FANCC: variants seen among roughly 807,000 people sequenced by gnomAD.
FANCC encodes the protein Fanconi anemia group C protein.
In FANCC, 55 loss-of-function variants were observed where a neutral mutation model predicts 71.3. The ratio of observed to expected loss-of-function variants is 0.77; its 90% confidence interval spans 0.62 to 0.97. The LOEUF (loss-of-function observed/expected upper bound fraction) is 0.97. Among genes scored for constraint, FANCC ranks in the 50% least tolerant of loss-of-function variants. The pLI is 0.00. For missense variants in FANCC, 678 were observed against 670.9 expected, an observed-to-expected ratio of 1.01 and a Z score of -0.12; for synonymous variants, 275 against 244.9, an observed-to-expected ratio of 1.12 and a Z score of -1.15.
At chr9:95,126,980 G>C (rs1588108401) in intron 8 of FANCC, 1 of 249,204 alleles carries the variant, frequency 4.0e-6, no homozygotes, top group East Asian at 9.1e-5. Flanking sequence ...TGTGCCTCGA[G>C]GTCAGGCCCG....
rs529244704 is a variant in FANCC, at chr9:95,171,725, A to G, written c.456+312T>C. 2.0e-5 allele frequency among the ~76,000 whole-genome samples: 3 copies of G among 152,352 alleles called. No homozygotes were observed. In the East Asian group the frequency reaches 5.8e-4, roughly 29 times the overall value. On this transcript the variant is annotated intron_variant, in intron 5 of 14. Coordinates refer to ENST00000289081, the MANE Select transcript of FANCC (RefSeq NM_000136.3). ...TGAAATACAAGATTCTTTCAACAGT[A>G]CAAGACTGTGTTTATAATAGCTAAG... is the stretch of plus-strand genomic sequence containing the variant.
At chr9:95,310,027 A>G (rs901108330) in intron 1 of FANCC, among the ~76,000 whole-genome samples, 2 of 152,024 alleles carry the variant, frequency 1.3e-5, no homozygotes, top group East Asian at 1.9e-4. Flanking sequence ...AATATTTAGT[A>G]AGCATTAAAT....
chr9:95,256,856 G>C (rs1172920097), intron 1 of FANCC, among the ~76,000 whole-genome samples: 1 of 150,236 alleles, frequency 6.7e-6, no homozygotes, highest in African/African-American at 2.4e-5. Context: ...CAAGCAAATG[G>C]AAAGAAAAAA....
chr9:95,218,401 G>C (rs1310270832), intron 4 of FANCC, among the ~76,000 whole-genome samples: 1 of 152,122 alleles, frequency 6.6e-6, no homozygotes, highest in Non-Finnish European at 1.5e-5. Flanking sequence ...GGAGGTCAAG[G>C]CTGCAGTGAG....
At chr9:95,285,094 G>A (rs187170273) in intron 1 of FANCC, among the ~76,000 whole-genome samples, 193 of 152,024 alleles carry the variant, frequency 1.3e-3, no homozygotes, top group African/African-American at 4.5e-3. Flanking sequence ...CAAAGAGAAG[G>A]ATTGTGCAAA....
Position 95,100,552 on chromosome 9 carries a change from C to G in FANCC, c.*1155G>C, listed in dbSNP as rs1260871946. On this transcript the variant is annotated 3_prime_UTR_variant, in exon 15 of 15. Coordinates refer to ENST00000289081, the MANE Select transcript of FANCC (RefSeq NM_000136.3). ...AGAATAGACACAAAAGAATGTACAA[C>G]CAATACAATTCCAGAATGTCCCTGA... 1 of 231,526 alleles carries G rather than the reference C, an allele frequency of 4.3e-6. No homozygotes were observed. The highest frequency in any genetic ancestry group is 8.5e-6 in the Non-Finnish European group (1 of 117,002). 14.3% of individuals were successfully genotyped at this position (231,526 alleles called of 1,614,324 possible). A position where few individuals can be genotyped will look rare whatever the true frequency, so the allele number is the denominator to read the frequency against.
intron 6 of FANCC, among the ~76,000 whole-genome samples, chr9:95,156,316 C>T (rs1427625619): frequency 6.6e-6 from 1 of 152,138 alleles, no homozygotes; most frequent in Non-Finnish European, 1.5e-5. Context: ...CAGTAAAATT[C>T]TTAACTGAAT....
chr9:95,105,302 C>T (rs956430589), intron 14 of FANCC, among the ~76,000 whole-genome samples: 4 of 152,174 alleles, frequency 2.6e-5, no homozygotes, highest in African/African-American at 9.7e-5. Flanking sequence ...CAGTCAGGCC[C>T]GGCCTGGACG....
chr9:95,265,121 G>T (rs1832308024), intron 1 of FANCC, among the ~76,000 whole-genome samples: 1 of 151,988 alleles, frequency 6.6e-6, no homozygotes, highest in East Asian at 1.9e-4. Context: ...CTATTTCTCT[G>T]TTGAGTCAGT....
intron 1 of FANCC, among the ~76,000 whole-genome samples, chr9:95,259,259 G>C (rs548606098): frequency 2.0e-5 from 3 of 152,134 alleles, no homozygotes; most frequent in Non-Finnish European, 1.5e-5. Flanking sequence ...AAGAACAAAG[G>C]TGGAGACATC....
intron 4 of FANCC, among the ~76,000 whole-genome samples, chr9:95,194,965 T>C (rs1261532007): frequency 1.3e-5 from 2 of 152,090 alleles, no homozygotes; most frequent in Non-Finnish European, 2.9e-5. Flanking sequence ...TTTGGGAGGC[T>C]GAGGCAGACA....
intron 14 of FANCC, among the ~76,000 whole-genome samples, chr9:95,102,894 C>A (rs1422238738): frequency 6.6e-6 from 1 of 152,216 alleles, no homozygotes; most frequent in Non-Finnish European, 1.5e-5. Context: ...GCACACAGGG[C>A]CTGCAGCCGG....
rs568239745 is a variant in FANCC, at chr9:95,123,448, C to G, written c.996+1638G>C. ...TGAGCCTCAGAGGTTGAGACCAGCC[C>G]GGGCAACATGGTGAAACCCCATCTC... On this transcript the variant is annotated intron_variant, in intron 10 of 14. Coordinates refer to ENST00000289081, the MANE Select transcript of FANCC (RefSeq NM_000136.3). 7.0e-4 allele frequency: 321 copies of G among 459,734 alleles called. 4 individuals carry two copies. Among genetic ancestry groups the G allele is most frequent in the South Asian group, 4.4e-3 (286 of 64,308 alleles). 28.5% of individuals were successfully genotyped at this position (459,734 alleles called of 1,614,324 possible). A position where few individuals can be genotyped will look rare whatever the true frequency, so the allele number is the denominator to read the frequency against.
At chr9:95,304,865 G>A (rs1371509343) in intron 1 of FANCC, among the ~76,000 whole-genome samples, 1 of 151,214 alleles carries the variant, frequency 6.6e-6, no homozygotes, top group Non-Finnish European at 1.5e-5. Context: ...AAGTTCCTCT[G>A]AAAAAGGTAT....
chr9:95,176,485 T>C (rs917468859), intron 4 of FANCC, among the ~76,000 whole-genome samples: 3 of 152,238 alleles, frequency 2.0e-5, no homozygotes, highest in Non-Finnish European at 2.9e-5. Context: ...CAATCCCCTC[T>C]GCCTGGGGAG....
chr9:95,301,530 C>T lies in FANCC; in HGVS notation c.-79+15996G>A, dbSNP rs563022320. On this transcript the variant is annotated intron_variant, in intron 1 of 14. Coordinates refer to ENST00000289081, the MANE Select transcript of FANCC (RefSeq NM_000136.3). ...CACTGCAGCCTCAACCTCCTCCAAGCGATCCTCCCACCTCAGCCTCCCTAG... is the reference window on the plus strand; with the variant it reads ...CACTGCAGCCTCAACCTCCTCCAAGTGATCCTCCCACCTCAGCCTCCCTAG... Among the ~76,000 whole-genome samples the T allele has an allele frequency of 7.9e-5, 12 of 151,966 alleles. No individual in the cohort carries two copies. In the East Asian group the frequency reaches 9.7e-4, roughly 12 times the overall value.
chr9:95,189,059 T>C (rs147697459), intron 4 of FANCC, among the ~76,000 whole-genome samples: 51 of 152,350 alleles, frequency 3.3e-4, no homozygotes, highest in African/African-American at 1.2e-3. Context: ...ATCAATTAAA[T>C]ACGCCAATTG....
At chr9:95,270,196 A>G (rs1159608841) in intron 1 of FANCC, among the ~76,000 whole-genome samples, 2 of 152,180 alleles carry the variant, frequency 1.3e-5, no homozygotes, top group African/African-American at 4.8e-5. Context: ...ATTATATGTC[A>G]GCCTCTCCCA....
chr9:95,107,224 T>C lies in FANCC; in HGVS notation c.1375A>G (p.Ser459Gly). ...AGGTCCTGGGCTGAGAGGCTGCTGCTTCTGGACATTGCCAGGAGGTGGCCC... is the reference window on the plus strand; with the variant it reads ...AGGTCCTGGGCTGAGAGGCTGCTGCCTCTGGACATTGCCAGGAGGTGGCCC... ...VLGHLLAMSR[S>G]SSLSAQDLQT... The change falls in exon 14 of 15, where the codon AGC (serine) becomes GGC (glycine). Residue 459 changes from serine (S) to glycine (G), a missense_variant. Physicochemically the swap from Ser to Gly is moderately conservative, Grantham distance 56 (BLOSUM62 0). Coordinates refer to ENST00000289081, the MANE Select transcript of FANCC (RefSeq NM_000136.3). 1 of 1,614,146 alleles carries C rather than the reference T, an allele frequency of 6.2e-7. No individual in the cohort carries two copies. The highest frequency in any genetic ancestry group is 8.5e-7 in the Non-Finnish European group (1 of 1,180,024).
Sources: allele counts gnomAD v4.1 joint callset (sites outside exome capture counted in the v4.1 genomes callset), GRCh38; gene constraint gnomAD v4.1.1; transcripts MANE v1.5; gene names NCBI Gene and HGNC (gene_info 2026-07-23, HGNC 2026-07-21).